MYH11: variants seen among roughly 807,000 people sequenced by gnomAD.
MYH11 encodes myosin-11.
In MYH11, 80 loss-of-function variants were observed where a neutral mutation model predicts 246.6. The observed-to-expected ratio is 0.32, with a 90% confidence interval of 0.27 to 0.39. The LOEUF is 0.39. MYH11 is among the 10% of genes least tolerant of loss of function. The probability of loss-of-function intolerance (pLI) is 1.00; values close to 1 mark genes in which losing one functional copy is unlikely to be tolerated. For synonymous variants in MYH11, 1,071 were observed against 1,015.5 expected, an observed-to-expected ratio of 1.05 and a Z score of -1.04; for missense variants, 2,158 against 2,546.8, an observed-to-expected ratio of 0.85 and a Z score of 3.29.
chr16:15,726,756 A>G (rs1447450591), intron 28 of MYH11, 92 bp downstream of exon 28: 4 of 1,463,596 alleles, frequency 2.7e-6, no homozygotes, highest in African/African-American at 1.4e-5. Flanking sequence ...CCTTGCAGCA[A>G]GAGAGACCTC....
At chr16:15,796,372 T>C (rs1247711399) in intron 4 of MYH11, among the ~76,000 whole-genome samples, 3 of 152,208 alleles carry the variant, frequency 2.0e-5, no homozygotes, top group Non-Finnish European at 4.4e-5. Flanking sequence ...CTCTTCTTCA[T>C]CTTCACAGCC....
rs536015027 is a variant in MYH11 at position 15,750,053 on chromosome 16, G to A, written c.2058+85C>T. On this transcript the variant is annotated intron_variant, in intron 16 of 40. Transcript: ENST00000300036. The surrounding 1 kb of genome is among the most constrained non-coding windows in gnomAD (Gnocchi z 4.3). ...AAAATGGGGTCCTCGGGGTAGGTGG[G>A]GGCAGAGGGCGCCCTGGGGACGCTG... 1 of 1,542,216 alleles carries A rather than the reference G, an allele frequency of 6.5e-7. No homozygotes were observed. The highest frequency in any genetic ancestry group is 1.4e-5 in the African/African-American group (1 of 73,752).
rs573336012 is a variant in MYH11 at position 15,793,614 on chromosome 16, T to G, written c.530+5046A>C. Among the ~76,000 whole-genome samples the G allele has an allele frequency of 2.5e-3, 343 of 135,470 alleles. 3 individuals are homozygous for G. The highest frequency in any genetic ancestry group is 0.015 in the Middle Eastern group (4 of 268). 88.9% of individuals were successfully genotyped at this position (135,470 alleles called of 152,430 possible). On this transcript the variant is annotated intron_variant, in intron 4 of 40. Transcript: ENST00000300036. Reference sequence around the variant, plus strand: ...AGCCAATTTTCAGTTTCTTTTCTTTTCTTTTTTTTTTTTTTTTTTTTTTGA... The same window carrying G: ...AGCCAATTTTCAGTTTCTTTTCTTTGCTTTTTTTTTTTTTTTTTTTTTTGA...
chr16:15,741,204 C>A (rs754304398), intron 22 of MYH11: 10 of 597,526 alleles, frequency 1.7e-5, no homozygotes, highest in African/African-American at 5.6e-5. Flanking sequence ...CTAACAAATA[C>A]AATTATCCTC....
At position 15,786,654 on chromosome 16, in the gene MYH11, C is replaced by T. The variant is rs770104442; in HGVS notation, c.609G>A (p.Lys203=). 2.5e-6 allele frequency: 4 copies of T among 1,613,984 alleles called. No homozygotes were observed. Among genetic ancestry groups the T allele is most frequent in the East Asian group, 2.2e-5 (1 of 44,884 alleles). ...QYLAVVASSH[K]GKKDTSITGE... is the part of the protein sequence containing the mutation. ...CCGTGATACTTGTGTCTTTCTTGCCCTTGTGGGAGGAGGCCACCACGGCCA... is the reference window on the plus strand; with the variant it reads ...CCGTGATACTTGTGTCTTTCTTGCCTTTGTGGGAGGAGGCCACCACGGCCA... Residue 203 remains lysine, a synonymous_variant, in exon 5 of 41, where the codon AAG becomes AAA. Coordinates refer to ENST00000300036, the MANE Select transcript of MYH11 (RefSeq NM_002474.3).
chr16:15,715,103 G>C (rs923269729), intron 39 of MYH11, 22 bp from the exon 40 acceptor site: 18 of 1,612,454 alleles, frequency 1.1e-5, no homozygotes, highest in Non-Finnish European at 1.4e-5. Flanking sequence ...AGTTGGAGGG[G>C]TGGTTAGGGG....
chr16:15,763,741 T>TCCA, intron 10 of MYH11, 55 bp downstream of exon 10: 4 of 646,854 alleles, frequency 6.2e-6, no homozygotes, highest in East Asian at 3.2e-5. Context: ...AAATGTCACC[T>TCCA]CCCCCACCCC....
chr16:15,747,438 T>C, intron 19 of MYH11, 132 bp downstream of exon 19: 2 of 1,107,672 alleles, frequency 1.8e-6, no homozygotes, highest in East Asian at 4.8e-5. Flanking sequence ...TTCTTCCCCT[T>C]CAAGAAAAGG....
At chr16:15,724,855 C>T (rs372087617) in intron 29 of MYH11, 33 bp downstream of exon 29, 1 of 1,613,858 alleles carries the variant, frequency 6.2e-7, no homozygotes, top group Non-Finnish European at 8.5e-7. Context: ...GGCCACCCCC[C>T]AGGTCCCCTG....
In MYH11 at chr16:15,717,436, C is replaced by T. The variant is rs1284229216; in HGVS notation, c.5296-88G>A. 3.6e-6 allele frequency: 5 copies of T among 1,403,764 alleles called. No homozygotes were observed. In the African/African-American group the frequency reaches 4.2e-5, roughly 12 times the overall value. 87.0% of individuals were successfully genotyped at this position (1,403,764 alleles called of 1,614,324 possible). A position where few individuals can be genotyped will look rare whatever the true frequency, so the allele number is the denominator to read the frequency against. ...CATGCCTCTTCCTGCCTTGTTTGGC[C>T]TCTGCACGAGTCCCTTGATCCCGGG... is the stretch of plus-strand genomic sequence containing the variant. On this transcript the variant is annotated intron_variant, in intron 37 of 40. Coordinates refer to ENST00000300036, the MANE Select transcript of MYH11 (RefSeq NM_002474.3).
chr16:15,749,922 G>T, intron 16 of MYH11: 1 of 622,618 alleles, frequency 1.6e-6, no homozygotes, highest in Non-Finnish European at 2.8e-6. Context: ...TGGATGACCT[G>T]CACAGCAACT....
intron 25 of MYH11, 88 bp from the exon 26 acceptor site, chr16:15,735,666 C>T (rs2041097483): frequency 3.1e-6 from 4 of 1,304,530 alleles, no homozygotes; most frequent in East Asian, 2.3e-5. Context: ...TGGGACCAGA[C>T]AGTTATGTTG....
intron 5 of MYH11, chr16:15,786,290 G>A: frequency 4.8e-6 from 2 of 420,152 alleles, no homozygotes; most frequent in African/African-American, 2.0e-5. Context: ...CGAGCCACAG[G>A]GAAGCCCCTC....
At chr16:15,798,624 C>CAAAAAAAAAAAAAAAAA in intron 4 of MYH11, 36 bp downstream of exon 4, 2 of 870,260 alleles carry the variant, frequency 2.3e-6, no homozygotes, top group South Asian at 4.4e-5. Flanking sequence ...AAAAAAAAAA[C>CAAAAAAAAAAAAAAAAA]AAAAAAAAAA....
At chr16:15,707,609 C>G (rs2039525172) in intron 40 of MYH11, among the ~76,000 whole-genome samples, 1 of 152,224 alleles carries the variant, frequency 6.6e-6, no homozygotes, top group African/African-American at 2.4e-5. Flanking sequence ...AGCTGAGATT[C>G]TCCAAAAATG....
intron 27 of MYH11, 25 bp from the exon 28 acceptor site, chr16:15,727,079 G>A (rs1372182941): frequency 1.9e-6 from 3 of 1,609,016 alleles, no homozygotes; most frequent in Non-Finnish European, 2.5e-6. Context: ...AGAGGGGAGG[G>A]ATAACAGGGA....
rs2151381591 is a variant in MYH11 at position 15,838,214 on chromosome 16, G to A, written c.39C>T (p.Phe13=). Residue 13 remains phenylalanine (F), a synonymous_variant, in exon 2 of 41, where the codon TTC becomes TTT. Coordinates refer to ENST00000300036, the MANE Select transcript of MYH11 (RefSeq NM_002474.3). The part of the protein sequence containing the change: ...QKGQLSDDEK[F]LFVDKNFINS... ...TGATGAAGTTTTTGTCCACAAAGAGGAACTTCTCATCGTCACTGAGTTGGC... is the reference window on the plus strand; with the variant it reads ...TGATGAAGTTTTTGTCCACAAAGAGAAACTTCTCATCGTCACTGAGTTGGC... The A allele has an allele frequency of 6.2e-7, 1 of 1,614,132 alleles. No individual in the cohort carries two copies.
chr16:15,761,107 T>C (rs1198286787), intron 10 of MYH11, among the ~76,000 whole-genome samples: 2 of 152,090 alleles, frequency 1.3e-5, no homozygotes, highest in Non-Finnish European at 2.9e-5. Flanking sequence ...TATTTATTTG[T>C]TTATTTATTT....
chr16:15,742,051 G>T lies in MYH11; in HGVS notation c.2521-160C>A. 7 of 1,168,406 alleles carry T rather than the reference G, an allele frequency of 6.0e-6. 1 individual carries two copies. The highest frequency in any genetic ancestry group is 2.7e-5 in the South Asian group (2 of 75,270). 72.4% of individuals were successfully genotyped at this position (1,168,406 alleles called of 1,614,324 possible). On this transcript the variant is annotated intron_variant, in intron 20 of 40. Coordinates refer to ENST00000300036, the MANE Select transcript of MYH11 (RefSeq NM_002474.3). Reference sequence around the variant, plus strand: ...CACTGCTGATTGTCACAGCTGGGGTGGGGGGTGCCTCTGGCATCCAGTGGG... The same window carrying T: ...CACTGCTGATTGTCACAGCTGGGGTTGGGGGTGCCTCTGGCATCCAGTGGG...
Sources: allele counts gnomAD v4.1 joint callset (sites outside exome capture counted in the v4.1 genomes callset), GRCh38; gene constraint gnomAD v4.1.1; non-coding constraint Gnocchi (gnomAD v3.1); transcripts MANE v1.5; gene names NCBI Gene and HGNC (gene_info 2026-07-23, HGNC 2026-07-21).